Variants in MGMT observed in about 807,000 individuals in gnomAD.
MGMT encodes O-6-methylguanine-DNA methyltransferase, also known as methylated-DNA--protein-cysteine methyltransferase.
In MGMT, 14 loss-of-function variants were observed where a neutral mutation model predicts 15.9. The observed-to-expected ratio is 0.88, with a 90% CI of 0.58 to 1.37. The LOEUF (loss-of-function observed/expected upper bound fraction) is 1.37. Among genes scored for constraint, MGMT ranks in the 40% most tolerant of loss-of-function variants. The probability of loss-of-function intolerance (pLI) is 0.00; values close to 1 mark genes in which losing one functional copy is unlikely to be tolerated. For missense variants in MGMT, 282 were observed against 268.1 expected, an observed-to-expected ratio of 1.05 and a Z score of -0.36; for synonymous variants, 130 against 118.2, an observed-to-expected ratio of 1.10 and a Z score of -0.65.
rs890386767 is a variant in MGMT, at chr10:129,566,848, G to A, written c.125+30471G>A. 2.0e-5 allele frequency among the ~76,000 whole-genome samples: 3 copies of A among 152,102 alleles called. No homozygotes were observed. Among genetic ancestry groups the A allele is most frequent in the African/African-American group, 4.8e-5 (2 of 41,414 alleles). ...CTGCAGGCTGGGGAGCCCCCGTGGC[G>A]AACAGAGGCTCTAAGAGAGGGGTCT... On this transcript the variant is annotated intron_variant, in intron 2 of 4. Coordinates refer to ENST00000651593, the MANE Select transcript of MGMT (RefSeq NM_002412.5). This position sits in a 1 kb window ranked among gnomAD's most constrained non-coding sequence, Gnocchi z 4.1.
chr10:129,547,897 G>A (rs146309739), intron 2 of MGMT, among the ~76,000 whole-genome samples: 1 of 152,338 alleles, frequency 6.6e-6, no homozygotes, highest in African/African-American at 2.4e-5. Flanking sequence ...TGAGAGCACA[G>A]CTATGGGAGG....
intron 2 of MGMT, among the ~76,000 whole-genome samples, chr10:129,625,309 A>G (rs368825775): frequency 3.3e-5 from 5 of 152,224 alleles, no homozygotes; most frequent in Non-Finnish European, 7.3e-5. Flanking sequence ...TTCCAATCTT[A>G]TATTAGCCCT....
chr10:129,638,446 G>GAAAAAAAAAAAAAAAAA (rs1157292152), intron 2 of MGMT, among the ~76,000 whole-genome samples: 3 of 96,318 alleles, frequency 3.1e-5, no homozygotes, highest in Admixed American at 1.2e-4. Flanking sequence ...AAAAAAAAAA[G>GAAAAAAAAAAAAAAAAA]AAAAAAAAAA....
chr10:129,701,823 C>T (rs552352427), intron 2 of MGMT: 7 of 152,270 alleles, frequency 4.6e-5, no homozygotes, highest in African/African-American at 1.7e-4. Context: ...CTCTCATCAC[C>T]CCCAGCTCTG....
At chr10:129,662,137 G>A (rs937794784) in intron 2 of MGMT, among the ~76,000 whole-genome samples, 5 of 152,040 alleles carry the variant, frequency 3.3e-5, no homozygotes, top group African/African-American at 1.2e-4. Context: ...ACGGGAGGCA[G>A]AATCATAAAC....
intron 2 of MGMT, among the ~76,000 whole-genome samples, chr10:129,691,152 T>C (rs926012711): frequency 1.3e-5 from 2 of 152,118 alleles, no homozygotes; most frequent in East Asian, 1.9e-4. Context: ...AAGGCTGACG[T>C]TGATGTTGCC....
rs910840187 is a variant in MGMT, at chr10:129,547,731, C to G, written c.125+11354C>G. ...GGTGAAGCATTAGGAAATGCTCTGT[C>G]TCTGCATTCTCTTCGAGTAACACTG... On this transcript the variant is annotated intron_variant, in intron 2 of 4. Transcript: ENST00000651593. 2.0e-5 allele frequency among the ~76,000 whole-genome samples: 3 copies of G among 152,234 alleles called. No individual in the cohort carries two copies. In the East Asian group the frequency reaches 5.8e-4, roughly 29 times the overall value.
chr10:129,604,740 C>CGCCCCCCCCCG (rs149075976), intron 2 of MGMT, among the ~76,000 whole-genome samples: 1 of 140,978 alleles, frequency 7.1e-6, no homozygotes, highest in Non-Finnish European at 1.6e-5. Flanking sequence ...CCGCCCCACC[C>CGCCCCCCCCCG]CCTCCCCCCG....
At chr10:129,522,094 A>AGC (rs1845817765) in intron 1 of MGMT, among the ~76,000 whole-genome samples, 2 of 98,956 alleles carry the variant, frequency 2.0e-5, no homozygotes, top group African/African-American at 1.1e-4. Flanking sequence ...ATGGAGAAGA[A>AGC]TTGGGTAAGG....
Position 129,759,052 on chromosome 10 carries a change from G to A in MGMT, c.275-150G>A, listed in dbSNP as rs534298066. 6.1e-6 allele frequency: 6 copies of A among 980,408 alleles called. No individual in the cohort carries two copies. In the Admixed American group the frequency reaches 8.9e-5, roughly 15 times the overall value. The allele number at this position is 980,408 out of a possible 1,614,324, so 60.7% of individuals were successfully genotyped here. On this transcript the variant is annotated intron_variant, in intron 3 of 4. Transcript: ENST00000651593. ...TTGCGTCTCCTCGCCTGGTGACATG[G>A]TGGCAGCAGTGCATGGAGGCCGTGT...
intron 2 of MGMT, among the ~76,000 whole-genome samples, chr10:129,646,754 A>ATATATATATATATATATATATTTTTTT: frequency 4.6e-5 from 4 of 86,670 alleles, no homozygotes; most frequent in Non-Finnish European, 7.7e-5. Context: ...ATATATATAT[A>ATATATATATATATATATATATTTTTTT]TTTTCAGGGA....
At chr10:129,655,859 C>T (rs1453834725) in intron 2 of MGMT, among the ~76,000 whole-genome samples, 1 of 152,092 alleles carries the variant, frequency 6.6e-6, no homozygotes, top group Admixed American at 6.6e-5. Context: ...GGAGGAAACG[C>T]ACAGTGTCCA....
chr10:129,525,669 C>T (rs1362591054), intron 1 of MGMT, among the ~76,000 whole-genome samples: 1 of 152,202 alleles, frequency 6.6e-6, no homozygotes, highest in African/African-American at 2.4e-5. Flanking sequence ...GGCACACCTC[C>T]TGTTCCAGGA....
chr10:129,526,803 C>G (rs188977543), intron 1 of MGMT, among the ~76,000 whole-genome samples: 1 of 152,300 alleles, frequency 6.6e-6, no homozygotes, highest in African/African-American at 2.4e-5. Flanking sequence ...AAAACGACTA[C>G]CAGTAGGGGA....
intron 1 of MGMT, among the ~76,000 whole-genome samples, chr10:129,473,396 C>T (rs1845254127): frequency 6.6e-6 from 1 of 152,242 alleles, no homozygotes; most frequent in African/African-American, 2.4e-5. Flanking sequence ...TTGCCTTGTA[C>T]AGACCAACTT....
At chr10:129,501,710 C>T (rs1374175295) in intron 1 of MGMT, among the ~76,000 whole-genome samples, 2 of 152,200 alleles carry the variant, frequency 1.3e-5, no homozygotes, top group Non-Finnish European at 2.9e-5. Context: ...ATGGTCACCA[C>T]GACCATTCCG....
chr10:129,615,100 G>A (rs1359436090), intron 2 of MGMT, among the ~76,000 whole-genome samples: 2 of 152,112 alleles, frequency 1.3e-5, no homozygotes, highest in African/African-American at 4.8e-5. Context: ...GTTGTTTCTT[G>A]GCTCTCAGCA....
intron 1 of MGMT, among the ~76,000 whole-genome samples, chr10:129,503,107 A>ATTTTTTT (rs762740639): frequency 6.7e-6 from 1 of 148,856 alleles, no homozygotes; most frequent in Non-Finnish European, 1.5e-5. Flanking sequence ...CACTGCTTGG[A>ATTTTTTT]TTTTTTTTTT....
At chr10:129,651,156 C>T (rs1425776354) in intron 2 of MGMT, among the ~76,000 whole-genome samples, 2 of 152,202 alleles carry the variant, frequency 1.3e-5, no homozygotes, top group East Asian at 1.9e-4. Flanking sequence ...TCGGCATGCT[C>T]CCTGCAGCCC....
Sources: allele counts gnomAD v4.1 joint callset (sites outside exome capture counted in the v4.1 genomes callset), GRCh38; gene constraint gnomAD v4.1.1; non-coding constraint Gnocchi (gnomAD v3.1); transcripts MANE v1.5; gene names NCBI Gene and HGNC (gene_info 2026-07-23, HGNC 2026-07-21).